The following LIFR variants were observed in gnomAD, a reference collection of about 807,000 sequenced individuals.
LIFR encodes the protein LIF receptor subunit alpha.
In LIFR, 84 loss-of-function variants were observed where a neutral mutation model predicts 122.2. That is an observed-to-expected ratio of 0.69 (90% CI 0.58 to 0.82). LIFR has a LOEUF of 0.82. Among genes scored for constraint, LIFR ranks in the 40% least tolerant of loss-of-function variants. The pLI is 0.00. For missense variants in LIFR, 1,294 were observed against 1,311.6 expected (o/e 0.99, Z 0.21); for synonymous variants, 422 against 434.7 (o/e 0.97, Z 0.36).
chr5:38,504,523 G>T (rs1468705291), intron 9 of LIFR, among the ~76,000 whole-genome samples: 5 of 152,012 alleles, frequency 3.3e-5, no homozygotes, highest in Non-Finnish European at 4.4e-5. Context: ...ATGTAAGCAT[G>T]GTAAGGTAAG....
intron 15 of LIFR, 128 bp downstream of exon 15, chr5:38,490,062 T>C (rs1487731478): frequency 4.4e-6 from 2 of 455,712 alleles, no homozygotes; most frequent in Non-Finnish European, 8.0e-6. Flanking sequence ...TACTTTTTAA[T>C]TTATCAAATT....
intron 9 of LIFR, among the ~76,000 whole-genome samples, 178 bp from the exon 10 acceptor site, chr5:38,504,299 C>T (rs1745338453): frequency 6.6e-6 from 1 of 150,384 alleles, no homozygotes. Flanking sequence ...ATCTTGCCAA[C>T]ATTTTTAAAC....
intron 14 of LIFR, among the ~76,000 whole-genome samples, chr5:38,492,898 G>T (rs1744671458): frequency 6.6e-6 from 1 of 152,126 alleles, no homozygotes; most frequent in Admixed American, 6.5e-5. Context: ...TTGCAGAGAG[G>T]GCTCTAATTC....
intron 1 of LIFR, among the ~76,000 whole-genome samples, chr5:38,562,287 G>A (rs746168109): frequency 1.1e-4 from 16 of 152,012 alleles, no homozygotes; most frequent in Admixed American, 3.9e-4. Context: ...CCGTCTTCAC[G>A]TATACCTCAC....
rs1372589537 is a variant in LIFR at position 38,510,492 on chromosome 5, G to C, written c.963C>G (p.Asn321Lys). The C allele has an allele frequency of 6.2e-7, 1 of 1,612,224 alleles. No individual in the cohort carries two copies. The highest frequency in any genetic ancestry group is 1.1e-5 in the South Asian group (1 of 91,044). The change falls in exon 7 of 20, where the codon AAC becomes AAG. Residue 321 changes from asparagine to lysine, a missense_variant. Physicochemically the swap from Asn to Lys is moderately conservative, Grantham distance 94. Transcript: ENST00000453190. Reference sequence around the variant, plus strand: ...CAGCAAAAATAACGGTTCCAAATATGTTATCTTCGGTTGTAAAAACTACAT... The same window carrying C: ...CAGCAAAAATAACGGTTCCAAATATCTTATCTTCGGTTGTAAAAACTACAT... ...GTNVVFTTEDNIFGTVIFAGY... is the reference protein window; with the variant it reads ...GTNVVFTTEDKIFGTVIFAGY...
At chr5:38,595,103 T>C (rs951786012) in intron 1 of LIFR, 1 of 175,042 alleles carries the variant, frequency 5.7e-6, no homozygotes, top group Non-Finnish European at 1.2e-5. Flanking sequence ...ACACAAGAAA[T>C]ACACTTTTGT....
chr5:38,485,774 A>G (rs202025116), intron 17 of LIFR, 45 bp downstream of exon 17: 1 of 1,600,856 alleles, frequency 6.2e-7, no homozygotes, highest in Admixed American at 1.7e-5. Context: ...CTAGAACACT[A>G]CGCATGCAGG....
intron 5 of LIFR, 67 bp downstream of exon 5, chr5:38,523,352 A>G: frequency 1.5e-6 from 2 of 1,338,606 alleles, no homozygotes; most frequent in Non-Finnish European, 2.1e-6. Context: ...TACCACCTTA[A>G]GGCTTCTTAA....
At chr5:38,515,017 G>C (rs889778914) in intron 5 of LIFR, among the ~76,000 whole-genome samples, 2 of 152,120 alleles carry the variant, frequency 1.3e-5, no homozygotes, top group Admixed American at 1.3e-4. Context: ...AGAACGACTG[G>C]AGATTTGGCA....
intron 1 of LIFR, among the ~76,000 whole-genome samples, chr5:38,570,010 A>G (rs1200275243): frequency 1.3e-5 from 2 of 152,166 alleles, no homozygotes; most frequent in Non-Finnish European, 2.9e-5. Flanking sequence ...GTCAATAGCT[A>G]GATGATATCC....
At position 38,481,679 on chromosome 5, in the gene LIFR, A is replaced by AATC. The variant is rs1743992885; in HGVS notation, c.3207_3209dup (p.Leu1069_Ile1070insMet). The stretch of plus-strand genomic sequence containing the variant: ...TAGGAGAGTCTTCATCTTTAGGAGG[A>AATC]ATCAAAAATTGTCGGGAATTAATGG... On this transcript the variant is annotated inframe_insertion, in exon 20 of 20. Transcript: ENST00000453190. 6.2e-7 allele frequency: 1 copy of AATC among 1,614,172 alleles called. No homozygotes were observed. The highest frequency in any genetic ancestry group is 2.2e-5 in the East Asian group (1 of 44,880).
chr5:38,584,828 G>T (rs1561226895), intron 1 of LIFR, among the ~76,000 whole-genome samples: 1 of 152,066 alleles, frequency 6.6e-6, no homozygotes, highest in South Asian at 2.1e-4. Context: ...TTGCATTAGG[G>T]ATTTTTGTTA....
rs74856317 is a variant in LIFR, at chr5:38,485,869, T to C, written c.2447A>G (p.Asp816Gly). The C allele has an allele frequency of 3.0e-3, 4,843 of 1,614,162 alleles. 21 individuals carry two copies. Among genetic ancestry groups the C allele is most frequent in the Middle Eastern group, 0.011 (69 of 6,062 alleles). ...SYHLVLRAYTDGGVGPEKSMY... is the reference protein window; with the variant it reads ...SYHLVLRAYTGGGVGPEKSMY... ...ACTCTTCTCCGGGCCCACTCCACCA[T>C]CTGTATAGGCTCGCAAGACCAGGTG... The change falls in exon 17 of 20, where the codon GAT becomes GGT. Residue 816 changes from aspartate to glycine, a missense_variant. Physicochemically the swap from Asp to Gly is moderately conservative, Grantham distance 94. Transcript: ENST00000453190.
chr5:38,557,339 C>T (rs368990620), upstream of LIFR: 1 of 152,802 alleles, frequency 6.5e-6, no homozygotes. Flanking sequence ...ACATTGTTCC[C>T]ATTTCCGCAG....
chr5:38,540,471 T>C (rs1365563889), intron 1 of LIFR, among the ~76,000 whole-genome samples: 1 of 152,196 alleles, frequency 6.6e-6, no homozygotes, highest in East Asian at 1.9e-4. Context: ...CATCTTACTG[T>C]TCTCCTTCCA....
chr5:38,545,350 ATGTGTGTGTG>A (rs112421759), intron 1 of LIFR, among the ~76,000 whole-genome samples: 2 of 151,420 alleles, frequency 1.3e-5, no homozygotes, highest in Non-Finnish European at 2.9e-5. Context: ...ACATAAATAT[ATGTGTGTGTG>A]TGTGTATGTG....
At chr5:38,569,462 G>T (rs1749137513) in intron 1 of LIFR, among the ~76,000 whole-genome samples, 1 of 152,090 alleles carries the variant, frequency 6.6e-6, no homozygotes, top group African/African-American at 2.4e-5. Context: ...TGTCAGATCA[G>T]CAGCAGCATT....
At chr5:38,553,641 T>C (rs1748337801) in intron 1 of LIFR, among the ~76,000 whole-genome samples, 2 of 82,148 alleles carry the variant, frequency 2.4e-5, no homozygotes, top group Admixed American at 1.1e-4. Context: ...TATATATATA[T>C]ATATATATAT....
intron 8 of LIFR, 53 bp from the exon 9 acceptor site, chr5:38,506,127 G>A: frequency 1.7e-6 from 2 of 1,205,082 alleles, no homozygotes; most frequent in Admixed American, 2.0e-5. Flanking sequence ...AATATTGCAG[G>A]AAAAAACGGG....
Sources: gnomAD v4.1 joint callset for allele counts (sites outside exome capture counted in the v4.1 genomes callset) on GRCh38, gnomAD v4.1.1 for gene constraint, MANE v1.5 for transcripts, NCBI Gene and HGNC (gene_info 2026-07-23, HGNC 2026-07-21) for gene names.